Variants in MAP2K4 observed in about 807,000 individuals in gnomAD.
The protein encoded by MAP2K4 is dual specificity mitogen-activated protein kinase kinase 4.
Under a neutral mutation model 48.5 loss-of-function variants are expected in MAP2K4, and 4 were observed. The ratio of observed to expected loss-of-function variants is 0.08; its 90% CI spans 0.04 to 0.19. MAP2K4 has a LOEUF of 0.19. Among genes scored for constraint, MAP2K4 ranks in the 10% least tolerant of loss-of-function variants. MAP2K4 has a pLI of 1.00. For synonymous variants in MAP2K4, 166 were observed against 173.1 expected, an observed-to-expected ratio of 0.96 and a Z score of 0.32; for missense variants, 258 against 493.3, an observed-to-expected ratio of 0.52 and a Z score of 4.52.
chr17:12,081,751 T>A lies in MAP2K4; in HGVS notation c.393+221T>A. On this transcript the variant is annotated intron_variant, in intron 3 of 10. Coordinates refer to ENST00000353533, the MANE Select transcript of MAP2K4 (RefSeq NM_003010.4). This position sits in a 1 kb window ranked among gnomAD's most constrained non-coding sequence, Gnocchi z 4.2. ...GAGTGTATGAAGTGTGCATGTTGAT[T>A]GCATTTTTGGCATGATGCATTAACA... is the stretch of plus-strand genomic sequence containing the variant. 1.8e-6 allele frequency: 1 copy of A among 567,912 alleles called. No individual in the cohort carries two copies. The highest frequency in any genetic ancestry group is 3.3e-6 in the Non-Finnish European group (1 of 306,828). The allele number at this position is 567,912 out of a possible 1,614,324, so 35.2% of individuals were successfully genotyped here.
chr17:12,080,116 C>T (rs923218807), intron 2 of MAP2K4, among the ~76,000 whole-genome samples: 4 of 152,062 alleles, frequency 2.6e-5, no homozygotes, highest in African/African-American at 4.8e-5. Flanking sequence ...TTAGTACATA[C>T]GATTATTCTC....
intron 2 of MAP2K4, among the ~76,000 whole-genome samples, chr17:12,064,231 T>C (rs1415181782): frequency 1.3e-5 from 2 of 152,188 alleles, no homozygotes; most frequent in East Asian, 3.9e-4. Context: ...TACAGGCACA[T>C]TACATCACAC....
At chr17:12,139,735 A>G (rs1483504493) in intron 9 of MAP2K4, 104 bp from the exon 10 acceptor site, 3 of 782,518 alleles carry the variant, frequency 3.8e-6, no homozygotes, top group Admixed American at 2.4e-5. Context: ...TTTGGATCTG[A>G]AGGAAAGAAC....
chr17:12,082,932 A>C (rs146476361), intron 3 of MAP2K4, among the ~76,000 whole-genome samples: 1 of 152,218 alleles, frequency 6.6e-6, no homozygotes, highest in African/African-American at 2.4e-5. Context: ...GTGTAAGTGG[A>C]AAGAGTCATT....
chr17:12,139,994 A>G (rs1031625724), intron 10 of MAP2K4, 110 bp downstream of exon 10: 21 of 620,820 alleles, frequency 3.4e-5, no homozygotes, highest in African/African-American at 2.1e-4. Context: ...AAACATCTCA[A>G]ATTTATTGAG....
At chr17:12,139,502 A>G (rs886789286) in intron 9 of MAP2K4, among the ~76,000 whole-genome samples, 13 of 152,188 alleles carry the variant, frequency 8.5e-5, no homozygotes, top group African/African-American at 3.1e-4. Flanking sequence ...AGAAAAGCAT[A>G]TATGTACACA....
At chr17:12,133,185 G>A (rs538745486) in intron 9 of MAP2K4, among the ~76,000 whole-genome samples, 2 of 152,102 alleles carry the variant, frequency 1.3e-5, no homozygotes, top group Admixed American at 1.3e-4. Flanking sequence ...AGGTTCAAGC[G>A]ATTCTCCTGC....
At chr17:12,125,804 T>TATGTGCA (rs1284054289) in intron 8 of MAP2K4, among the ~76,000 whole-genome samples, 1 of 152,188 alleles carries the variant, frequency 6.6e-6, no homozygotes, top group Non-Finnish European at 1.5e-5. Flanking sequence ...ATGTGGAAAA[T>TATGTGCA]AGTTTCTACT....
rs1973442186 is a variant in MAP2K4 at position 12,143,552 on chromosome 17, TTGTC to T, written c.*2296_*2299del. 1 of 231,110 alleles carries T rather than the reference TTGTC, an allele frequency of 4.3e-6. No individual in the cohort carries two copies. The highest frequency in any genetic ancestry group is 1.8e-4 in the South Asian group (1 of 5,518). The allele number at this position is 231,110 out of a possible 1,614,324, so 14.3% of individuals were successfully genotyped here. On this transcript the variant is annotated 3_prime_UTR_variant, in exon 11 of 11. Transcript: ENST00000353533. ...CTAATGTGCAGGGATATTGCCTTAT[TTGTC>T]TGTAAAAAATGGAGCTCAGTAACAT...
At chr17:12,034,049 G>T (rs1193019146) in intron 1 of MAP2K4, among the ~76,000 whole-genome samples, 1 of 152,096 alleles carries the variant, frequency 6.6e-6, no homozygotes, top group Non-Finnish European at 1.5e-5. Context: ...CAGCCTCCCA[G>T]AGTGCTGAGA....
chr17:12,031,598 C>G (rs1040700283), intron 1 of MAP2K4, among the ~76,000 whole-genome samples: 1 of 152,128 alleles, frequency 6.6e-6, no homozygotes, highest in Admixed American at 6.5e-5. Flanking sequence ...AAGGTGTAAC[C>G]AGATCCAACT....
At chr17:12,108,952 G>A (rs1471539244) in intron 5 of MAP2K4, among the ~76,000 whole-genome samples, 2 of 151,830 alleles carry the variant, frequency 1.3e-5, no homozygotes, top group South Asian at 2.1e-4. Context: ...TATTAAACCC[G>A]TGTTATCTTG....
intron 1 of MAP2K4, among the ~76,000 whole-genome samples, chr17:12,027,880 T>G (rs2151507204): frequency 6.6e-6 from 1 of 152,144 alleles, no homozygotes; most frequent in African/African-American, 2.4e-5. Flanking sequence ...AAAGACTGGT[T>G]TTGTGTAGGT....
chr17:12,022,457 T>C (rs1209611479), intron 1 of MAP2K4, among the ~76,000 whole-genome samples: 1 of 152,096 alleles, frequency 6.6e-6, no homozygotes, highest in Non-Finnish European at 1.5e-5. Context: ...ATTTAGGTGG[T>C]GGTGGTTGGG....
intron 1 of MAP2K4, among the ~76,000 whole-genome samples, chr17:12,027,987 T>C (rs969911172): frequency 6.6e-6 from 1 of 152,208 alleles, no homozygotes; most frequent in East Asian, 1.9e-4. Flanking sequence ...GTGATAATAA[T>C]AACCTGCTTT....
intron 1 of MAP2K4, among the ~76,000 whole-genome samples, chr17:12,036,903 C>CT (rs34740267): frequency 0.4 from 60,599 of 151,442 alleles, 12,503 homozygotes; most frequent in East Asian, 0.62. Flanking sequence ...CCCCCGCCAC[C>CT]TTTTTTTTGT....
intron 2 of MAP2K4, among the ~76,000 whole-genome samples, chr17:12,059,962 G>A (rs1970397812): frequency 6.6e-6 from 1 of 152,092 alleles, no homozygotes; most frequent in Non-Finnish European, 1.5e-5. Flanking sequence ...AGGATTGCTT[G>A]AGCCAAGAAG....
intron 2 of MAP2K4, among the ~76,000 whole-genome samples, chr17:12,078,422 T>A (rs539439094): frequency 6.6e-6 from 1 of 152,192 alleles, no homozygotes; most frequent in Admixed American, 6.5e-5. Context: ...TTATGGAGTA[T>A]GTGAGATGTT....
chr17:12,044,097 A>G (rs1050630046), intron 1 of MAP2K4, among the ~76,000 whole-genome samples: 2 of 152,150 alleles, frequency 1.3e-5, no homozygotes, highest in Admixed American at 1.3e-4. Context: ...GTCACTCAGG[A>G]GATTCTAAGG....
Sources: allele counts gnomAD v4.1 joint callset (sites outside exome capture counted in the v4.1 genomes callset), GRCh38; gene constraint gnomAD v4.1.1; non-coding constraint Gnocchi (gnomAD v3.1); transcripts MANE v1.5; gene names NCBI Gene and HGNC (gene_info 2026-07-23, HGNC 2026-07-21).